DOCK4: variants seen among roughly 807,000 people sequenced by gnomAD.
DOCK4 encodes the protein dedicator of cytokinesis 4.
In DOCK4, 97 loss-of-function variants were observed where a neutral mutation model predicts 268.1. The observed-to-expected ratio is 0.36, with a 90% CI of 0.31 to 0.43. The LOEUF (loss-of-function observed/expected upper bound fraction) is 0.43. Among genes scored for constraint, DOCK4 ranks in the 20% least tolerant of loss-of-function variants. The pLI is 1.00. For missense variants in DOCK4, 2,145 were observed against 2,455.7 expected (o/e 0.87, Z 2.67); for synonymous variants, 954 against 887.2 (o/e 1.08, Z -1.34).
intron 1 of DOCK4, among the ~76,000 whole-genome samples, chr7:112,116,843 C>T (rs139525397): frequency 2.6e-4 from 39 of 152,294 alleles, no homozygotes; most frequent in African/African-American, 9.1e-4. Context: ...ATCCTCCCAC[C>T]TCATCTCCAA....
Position 111,769,161 on chromosome 7 carries a change from C to T in DOCK4, c.3828+368G>A, listed in dbSNP as rs143280964. The stretch of plus-strand genomic sequence containing the variant: ...AAGCTACCCAGTCTAGGGTATTTTG[C>T]TAAAGCCGCCACGAATGGACTATGT... On this transcript the variant is annotated intron_variant, in intron 37 of 52. Transcript: ENST00000428084. Among the ~76,000 whole-genome samples, 11 of 152,256 alleles carry T rather than the reference C, an allele frequency of 7.2e-5. No homozygotes were observed. In the East Asian group the frequency reaches 1.4e-3, roughly 19 times the overall value.
At chr7:111,811,763 A>T in intron 28 of DOCK4, 111 bp downstream of exon 28, 1 of 681,016 alleles carries the variant, frequency 1.5e-6, no homozygotes, top group Non-Finnish European at 2.6e-6. Flanking sequence ...AACTGTTCTA[A>T]TATTCCTCAT....
At chr7:111,822,239 TAAAGGC>T in intron 27 of DOCK4, 117 bp downstream of exon 27, 1 of 709,924 alleles carries the variant, frequency 1.4e-6, no homozygotes, top group Non-Finnish European at 2.3e-6. Flanking sequence ...AACATTTTTT[TAAAGGC>T]TTAATTCAGA....
At chr7:111,731,788 G>A (rs926482171) in intron 52 of DOCK4, among the ~76,000 whole-genome samples, 3 of 152,154 alleles carry the variant, frequency 2.0e-5, no homozygotes, top group African/African-American at 7.2e-5. Context: ...GACAAAATGG[G>A]TTTGGCTGAC....
intron 1 of DOCK4, among the ~76,000 whole-genome samples, chr7:112,183,636 G>A (rs547360135): frequency 6.6e-6 from 1 of 152,194 alleles, no homozygotes; most frequent in East Asian, 1.9e-4. Context: ...CAAATGCCAG[G>A]AGGGCTGTCC....
At chr7:111,768,774 T>C (rs911327802) in intron 37 of DOCK4, among the ~76,000 whole-genome samples, 1 of 152,244 alleles carries the variant, frequency 6.6e-6, no homozygotes, top group Non-Finnish European at 1.5e-5. Context: ...TAAAGTATAA[T>C]GGAGCAGAAT....
intron 1 of DOCK4, among the ~76,000 whole-genome samples, chr7:112,036,408 C>G (rs1270153819): frequency 6.6e-6 from 1 of 151,892 alleles, no homozygotes; most frequent in Non-Finnish European, 1.5e-5. Context: ...TGTTGTGAAA[C>G]CTGAAAAAAA....
chr7:111,931,297 T>C (rs1049120373), intron 12 of DOCK4, among the ~76,000 whole-genome samples: 35 of 152,194 alleles, frequency 2.3e-4, no homozygotes, highest in African/African-American at 8.4e-4. Context: ...CTTTCATTCT[T>C]TGCAAAGGCT....
At chr7:112,022,539 C>T (rs187255266) in intron 1 of DOCK4, among the ~76,000 whole-genome samples, 90 of 152,262 alleles carry the variant, frequency 5.9e-4, no homozygotes, top group South Asian at 1.0e-3. Context: ...TACTTATTAA[C>T]GACGTGAGCC....
At chr7:112,159,927 G>A (rs962294727) in intron 1 of DOCK4, among the ~76,000 whole-genome samples, 6 of 147,326 alleles carry the variant, frequency 4.1e-5, no homozygotes, top group African/African-American at 7.9e-5. Context: ...CCAAATACCC[G>A]AATCCCAAAT....
chr7:111,951,183 T>C (rs2134876175), intron 8 of DOCK4, among the ~76,000 whole-genome samples: 1 of 152,310 alleles, frequency 6.6e-6, no homozygotes, highest in South Asian at 2.1e-4. Context: ...AATGATTTGA[T>C]GAAATCAGGA....
intron 1 of DOCK4, among the ~76,000 whole-genome samples, chr7:112,159,192 A>G (rs1816871224): frequency 1.3e-5 from 2 of 151,792 alleles, no homozygotes; most frequent in South Asian, 4.2e-4. Flanking sequence ...AGTCTCTACC[A>G]CTCTACAAAA....
chr7:112,126,566 A>C (rs1813234287), intron 1 of DOCK4, among the ~76,000 whole-genome samples: 1 of 152,232 alleles, frequency 6.6e-6, no homozygotes, highest in South Asian at 2.1e-4. Context: ...ATGGGATCTA[A>C]TTAAACTAAA....
intron 1 of DOCK4, among the ~76,000 whole-genome samples, chr7:112,054,937 G>T (rs2088944654): frequency 6.6e-6 from 1 of 152,086 alleles, no homozygotes; most frequent in African/African-American, 2.4e-5. Context: ...AGTAAATAAA[G>T]GTAAGAAAGC....
rs377398327 is a variant in DOCK4, at chr7:111,742,058, C to T, written c.4752G>A (p.Lys1584=). 3 of 1,609,388 alleles carry T rather than the reference C, an allele frequency of 1.9e-6. No homozygotes were observed. Among genetic ancestry groups the T allele is most frequent in the African/African-American group, 1.3e-5 (1 of 74,718 alleles). The change falls in exon 45 of 53, where the codon AAG becomes AAA. Residue 1584 remains lysine, a synonymous_variant. Transcript: ENST00000428084. ...VPQDMRPLHK[K]LVDQFFVMKS... Reference sequence around the variant, plus strand: ...TCATCACAAAGAATTGGTCAACCAGCTTTTTGTGAAGGGGTCTCATATCTT... The same window carrying T: ...TCATCACAAAGAATTGGTCAACCAGTTTTTTGTGAAGGGGTCTCATATCTT...
chr7:111,752,491 T>C lies in DOCK4; in HGVS notation c.4416+3024A>G, dbSNP rs186133747. ...AGGATGTGGTATGAAAATATTCTCG[T>C]AATCTTTAGTTGGATTTTTAAAAAA... is the stretch of plus-strand genomic sequence containing the variant. On this transcript the variant is annotated intron_variant, in intron 42 of 52. Coordinates refer to ENST00000428084, the MANE Select transcript of DOCK4 (RefSeq NM_001363540.2). Among the ~76,000 whole-genome samples, 124 of 152,122 alleles carry C rather than the reference T, an allele frequency of 8.2e-4. 1 individual carries two copies. The highest frequency in any genetic ancestry group is 1.4e-3 in the Admixed American group (22 of 15,276).
chr7:111,849,025 G>C lies in DOCK4; in HGVS notation c.2474-1899C>G, dbSNP rs140562333. On this transcript the variant is annotated intron_variant, in intron 23 of 52. Transcript: ENST00000428084. Reference sequence around the variant, plus strand: ...CAAAAGAAGTACTTCAAACCCAGAAGACTTTGTAACCGGGCCCTAGAGCTG... The same window carrying C: ...CAAAAGAAGTACTTCAAACCCAGAACACTTTGTAACCGGGCCCTAGAGCTG... Among the ~76,000 whole-genome samples, 776 of 152,304 alleles carry C rather than the reference G, an allele frequency of 5.1e-3. 6 individuals carry two copies. The highest frequency in any genetic ancestry group is 0.017 in the African/African-American group (712 of 41,562).
intron 16 of DOCK4, among the ~76,000 whole-genome samples, chr7:111,887,402 T>TG (rs1807934284): frequency 6.6e-6 from 1 of 152,112 alleles, no homozygotes; most frequent in African/African-American, 2.4e-5. Flanking sequence ...AAGACACAGA[T>TG]GGTAGCCAAG....
intron 1 of DOCK4, among the ~76,000 whole-genome samples, chr7:112,187,924 C>T (rs1819610886): frequency 6.6e-6 from 1 of 152,042 alleles, no homozygotes; most frequent in East Asian, 1.9e-4. Flanking sequence ...CCAAATATGA[C>T]CCCTTTAACC....
Sources: allele counts gnomAD v4.1 joint callset (sites outside exome capture counted in the v4.1 genomes callset), GRCh38; gene constraint gnomAD v4.1.1; transcripts MANE v1.5; gene names NCBI Gene and HGNC (gene_info 2026-07-23, HGNC 2026-07-21).